Variants in MCPH1 observed in about 807,000 individuals in gnomAD.
MCPH1 encodes the protein microcephalin.
In MCPH1, 104 loss-of-function variants were observed where a neutral mutation model predicts 84.5. The observed-to-expected ratio is 1.23, with a 90% CI of 1.05 to 1.45. The LOEUF (loss-of-function observed/expected upper bound fraction) is 1.45, where lower values mean the gene tolerates loss of function less well. Ranked by LOEUF, MCPH1 falls within the 40% of genes most tolerant of loss-of-function variation. The pLI is 0.00. For missense variants in MCPH1, 1,498 were observed against 1,005.7 expected (o/e 1.49, Z -6.62); for synonymous variants, 514 against 366.8 (o/e 1.40, Z -4.58).
Position 6,644,403 on chromosome 8 carries a change from T to C in MCPH1, c.*1354T>C, listed in dbSNP as rs1032784066. On this transcript the variant is annotated 3_prime_UTR_variant, in exon 14 of 14. Transcript: ENST00000344683. Reference sequence around the variant, plus strand: ...ATCCAAATAGGAAAAGAAGTCAAACTGTCTCTCTTCACTGCCGATATGATT... The same window carrying C: ...ATCCAAATAGGAAAAGAAGTCAAACCGTCTCTCTTCACTGCCGATATGATT... The C allele has an allele frequency of 2.0e-5, 3 of 152,176 alleles. No homozygotes were observed. Among genetic ancestry groups the C allele is most frequent in the African/African-American group, 7.2e-5 (3 of 41,440 alleles). The allele number at this position is 152,176 out of a possible 1,614,324, so 9.4% of individuals were successfully genotyped here.
rs574071256 is a variant in MCPH1, at chr8:6,507,032, G to C, written c.2214+7103G>C. On this transcript the variant is annotated intron_variant, in intron 12 of 13. Coordinates refer to ENST00000344683, the MANE Select transcript of MCPH1 (RefSeq NM_024596.5). ...CCTGCCTCAGCCTCCTGAGTAGCTG[G>C]GATTACAGGCGTATGCCACCACGCC... Among the ~76,000 whole-genome samples, 20 of 152,018 alleles carry C rather than the reference G, an allele frequency of 1.3e-4. No homozygotes were observed. The East Asian group carries it at 3.7e-3, about 28-fold the overall frequency.
intron 12 of MCPH1, among the ~76,000 whole-genome samples, chr8:6,542,499 G>A (rs1209355192): frequency 6.6e-6 from 1 of 152,022 alleles, no homozygotes; most frequent in East Asian, 1.9e-4. Flanking sequence ...TAGCGCCTGG[G>A]TCACAGTGCT....
intron 8 of MCPH1, chr8:6,446,650 ATG>A: frequency 1.0e-6 from 1 of 982,574 alleles, no homozygotes; most frequent in Non-Finnish European, 1.2e-6. Flanking sequence ...AAAACAATAG[ATG>A]TGTAAAATTC....
chr8:6,441,023 C>G (rs1803433434), intron 6 of MCPH1, among the ~76,000 whole-genome samples: 1 of 152,174 alleles, frequency 6.6e-6, no homozygotes, highest in African/African-American at 2.4e-5. Context: ...AAGCCATCTC[C>G]TTTTGACAGC....
intron 3 of MCPH1, among the ~76,000 whole-genome samples, chr8:6,427,973 A>G (rs1464272055): frequency 6.6e-6 from 1 of 151,730 alleles, no homozygotes; most frequent in Non-Finnish European, 1.5e-5. Flanking sequence ...TTGCATTTTT[A>G]GTAGAGACGG....
intron 12 of MCPH1, among the ~76,000 whole-genome samples, chr8:6,587,254 G>C (rs1365071310): frequency 6.6e-6 from 1 of 152,122 alleles, no homozygotes; most frequent in African/African-American, 2.4e-5. Context: ...CCCTCTCTCT[G>C]AATCGACTTC....
intron 3 of MCPH1, among the ~76,000 whole-genome samples, chr8:6,429,418 C>G (rs1801520766): frequency 6.6e-6 from 1 of 152,130 alleles, no homozygotes; most frequent in Admixed American, 6.6e-5. Context: ...TGCCCCACCC[C>G]AGACTGCTGT....
intron 9 of MCPH1, among the ~76,000 whole-genome samples, chr8:6,472,547 C>T (rs1423204073): frequency 6.6e-6 from 1 of 152,086 alleles, no homozygotes; most frequent in Admixed American, 6.6e-5. Context: ...CTCACTGCAA[C>T]CTCCGCCTCC....
At chr8:6,621,866 C>G (rs1005933157) in intron 13 of MCPH1, among the ~76,000 whole-genome samples, 175 bp downstream of exon 13, 16 of 151,940 alleles carry the variant, frequency 1.1e-4, no homozygotes, top group African/African-American at 3.9e-4. Context: ...CATTCCCGCT[C>G]CTTGCTGTTA....
chr8:6,532,367 C>T (rs370433128), intron 12 of MCPH1: 3 of 1,614,040 alleles, frequency 1.9e-6, no homozygotes, highest in Non-Finnish European at 2.5e-6. Context: ...CGCGTTTGCT[C>T]CGCTGTTTGG....
intron 12 of MCPH1, among the ~76,000 whole-genome samples, chr8:6,595,036 A>G (rs3020248): frequency 0.043 from 6,550 of 152,320 alleles, 480 homozygotes; most frequent in East Asian, 0.35. Context: ...TGTCAAAGAC[A>G]GGCAACTTGA....
chr8:6,608,832 G>C (rs1314067898), intron 12 of MCPH1, among the ~76,000 whole-genome samples: 1 of 152,180 alleles, frequency 6.6e-6, no homozygotes, highest in Non-Finnish European at 1.5e-5. Flanking sequence ...GCTTCACCTA[G>C]GGAGCTTTAA....
At chr8:6,607,845 C>G (rs565225624) in intron 12 of MCPH1, among the ~76,000 whole-genome samples, 1 of 152,334 alleles carries the variant, frequency 6.6e-6, no homozygotes, top group East Asian at 1.9e-4. Context: ...AAACTTCTTT[C>G]TCTTTATAAA....
chr8:6,436,903 G>T (rs967590042), intron 5 of MCPH1, among the ~76,000 whole-genome samples: 1 of 152,030 alleles, frequency 6.6e-6, no homozygotes, highest in Non-Finnish European at 1.5e-5. Context: ...CTGGGAGGCA[G>T]AGCTTGCAGT....
rs183983601 is a variant in MCPH1 at position 6,522,459 on chromosome 8, C to G, written c.2214+22530C>G. ...AATATAGACATTATTATTCCCATTT[C>G]CAATGAGGAAATTGAAACTTAGGGA... On this transcript the variant is annotated intron_variant, in intron 12 of 13. Coordinates refer to ENST00000344683, the MANE Select transcript of MCPH1 (RefSeq NM_024596.5). Among the ~76,000 whole-genome samples the G allele has an allele frequency of 3.9e-5, 6 of 152,050 alleles. No individual in the cohort carries two copies. In the East Asian group the frequency reaches 1.2e-3, roughly 30 times the overall value.
chr8:6,579,732 A>G (rs1269578933), intron 12 of MCPH1, among the ~76,000 whole-genome samples: 2 of 152,204 alleles, frequency 1.3e-5, no homozygotes, highest in East Asian at 3.8e-4. Context: ...AAGGACACCA[A>G]CAGCTCTTTA....
intron 12 of MCPH1, chr8:6,618,444 C>A (rs1563197886): frequency 6.6e-6 from 1 of 152,206 alleles, no homozygotes; most frequent in Non-Finnish European, 1.5e-5. Flanking sequence ...ATTTCCTTTT[C>A]TACTGCATTA....
intron 12 of MCPH1, among the ~76,000 whole-genome samples, chr8:6,599,490 A>T (rs1222166009): frequency 6.6e-6 from 1 of 152,246 alleles, no homozygotes; most frequent in Non-Finnish European, 1.5e-5. Flanking sequence ...GAATGTTTCT[A>T]CATTTGCCAA....
At chr8:6,411,565 A>G (rs993691971) in intron 2 of MCPH1, among the ~76,000 whole-genome samples, 1 of 152,214 alleles carries the variant, frequency 6.6e-6, no homozygotes, top group Non-Finnish European at 1.5e-5. Context: ...GCTAAGATCG[A>G]CAGTGAGAAC....
Sources: gnomAD v4.1 joint callset for allele counts (sites outside exome capture counted in the v4.1 genomes callset) on GRCh38, gnomAD v4.1.1 for gene constraint, MANE v1.5 for transcripts, NCBI Gene and HGNC (gene_info 2026-07-23, HGNC 2026-07-21) for gene names.